DTX1: variants seen among roughly 807,000 people sequenced by gnomAD.
DTX1 encodes deltex E3 ubiquitin ligase 1.
Under a neutral mutation model 57.8 loss-of-function variants are expected in DTX1, and 26 were observed. The ratio of observed to expected loss-of-function variants is 0.45; its 90% CI spans 0.33 to 0.62. The LOEUF (loss-of-function observed/expected upper bound fraction) is 0.62, where lower values mean the gene tolerates loss of function less well. DTX1 is among the 20% of genes least tolerant of loss of function. DTX1 has a pLI of 0.02. For missense variants in DTX1, 704 were observed against 895.3 expected, an observed-to-expected ratio of 0.79 and a Z score of 2.73; for synonymous variants, 398 against 394.1, an observed-to-expected ratio of 1.01 and a Z score of -0.12.
intron 3 of DTX1, among the ~76,000 whole-genome samples, chr12:113,083,357 GCT>G (rs889765130): frequency 4.0e-5 from 6 of 151,710 alleles, no homozygotes; most frequent in Non-Finnish European, 7.4e-5. Context: ...AGACCGTCTT[GCT>G]CTGTTACCCA....
intron 2 of DTX1, among the ~76,000 whole-genome samples, chr12:113,073,622 C>T (rs2044751110): frequency 6.6e-6 from 1 of 152,218 alleles, no homozygotes; most frequent in Non-Finnish European, 1.5e-5. Flanking sequence ...GTTGGCAGGG[C>T]ACAAGGCTAG....
At position 113,058,155 on chromosome 12, in the gene DTX1, C is replaced by T. The variant is rs1019749085; in HGVS notation, c.-38C>T. 3.2e-6 allele frequency: 5 copies of T among 1,554,376 alleles called. No individual in the cohort carries two copies. The African/African-American group carries it at 4.1e-5, about 13-fold the overall frequency. ...CCAGGCCCAGGAGGAGCTGGGCCTG[C>T]AATAGTGGGGGACCTGGCCCCTGAG... On this transcript the variant is annotated 5_prime_UTR_variant, in exon 2 of 10. Transcript: ENST00000548759.
At position 113,094,114 on chromosome 12, in the gene DTX1, G is replaced by A. The variant is rs940132658; in HGVS notation, c.1227+15G>A. ...CACCTGATGAGGTGAGGAGGGGATG[G>A]GGGGGCTGGGGGAGGGCCCTGGCAT... On this transcript the variant is annotated intron_variant, in intron 6 of 9. Transcript: ENST00000548759. 3 of 1,488,560 alleles carry A rather than the reference G, an allele frequency of 2.0e-6. No individual in the cohort carries two copies. Among genetic ancestry groups the A allele is most frequent in the South Asian group, 1.2e-5 (1 of 83,190 alleles). The allele number at this position is 1,488,560 out of a possible 1,614,324, so 92.2% of individuals were successfully genotyped here. A position where few individuals can be genotyped will look rare whatever the true frequency, so the allele number is the denominator to read the frequency against.
chr12:113,069,143 CATTATTATTTT>C (rs2044723580), intron 2 of DTX1, among the ~76,000 whole-genome samples: 1 of 152,140 alleles, frequency 6.6e-6, no homozygotes, highest in Non-Finnish European at 1.5e-5. Context: ...TGTTTATTAT[CATTATTATTTT>C]ATTATTATTA....
chr12:113,085,867 T>A (rs566113002), intron 3 of DTX1, among the ~76,000 whole-genome samples: 2 of 152,116 alleles, frequency 1.3e-5, no homozygotes, highest in Non-Finnish European at 2.9e-5. Context: ...AAGTAGTAAC[T>A]GCTACAGAGG....
intron 2 of DTX1, among the ~76,000 whole-genome samples, chr12:113,060,644 G>A (rs1276308964): frequency 6.6e-6 from 1 of 152,234 alleles, no homozygotes; most frequent in East Asian, 1.9e-4. Context: ...GGCCTGGACA[G>A]CCACGCAAAG....
In DTX1 at chr12:113,080,495, G is replaced by C. The variant is rs111666052; in HGVS notation, c.941+2390G>C. On this transcript the variant is annotated intron_variant, in intron 3 of 9. Transcript: ENST00000548759. ...TAAGAATTTGAGAACCTTCTCTCTG[G>C]GTAAATTTATTGTAACCCACAAGAA... Among the ~76,000 whole-genome samples, 916 of 152,090 alleles carry C rather than the reference G, an allele frequency of 6.0e-3. 14 individuals carry two copies. The highest frequency in any genetic ancestry group is 0.033 in the South Asian group (157 of 4,808).
chr12:113,089,359 A>G (rs550427389), intron 3 of DTX1, among the ~76,000 whole-genome samples: 1 of 152,216 alleles, frequency 6.6e-6, no homozygotes, highest in Non-Finnish European at 1.5e-5. Flanking sequence ...CTGATTTGGG[A>G]CTGGGAAAGG....
Position 113,093,183 on chromosome 12 carries a change from G to A in DTX1, c.963G>A (p.Lys321=), listed in dbSNP as rs748833568. 2.2e-5 allele frequency: 35 copies of A among 1,600,848 alleles called. No homozygotes were observed. The highest frequency in any genetic ancestry group is 2.3e-5 in the East Asian group (1 of 44,222). Reference sequence around the variant, plus strand: ...GCAGGGTCCCCGCACTCCCGGTGAAGAACTTGAATGGTACTGGGCCGGTCC... The same window carrying A: ...GCAGGGTCCCCGCACTCCCGGTGAAAAACTTGAATGGTACTGGGCCGGTCC... The part of the protein sequence containing the change: ...IPPGVPALPV[K]NLNGTGPVHP... The change falls in exon 4 of 10, where the codon AAG becomes AAA. Residue 321 remains lysine (K), a synonymous_variant. Coordinates refer to ENST00000548759, the MANE Select transcript of DTX1 (RefSeq NM_004416.3). The surrounding 1 kb of genome is among the most constrained non-coding windows in gnomAD (Gnocchi z 4.2).
chr12:113,073,065 C>G (rs1320547511), intron 2 of DTX1, among the ~76,000 whole-genome samples: 1 of 152,072 alleles, frequency 6.6e-6, no homozygotes, highest in African/African-American at 2.4e-5. Context: ...CTATCCCGGC[C>G]CCTCCCCTGC....
At chr12:113,069,501 C>T (rs2044726009) in intron 2 of DTX1, among the ~76,000 whole-genome samples, 1 of 152,164 alleles carries the variant, frequency 6.6e-6, no homozygotes. Flanking sequence ...AGAACCTGGG[C>T]CAGCTTCAAC....
intron 2 of DTX1, among the ~76,000 whole-genome samples, chr12:113,074,747 G>T (rs1020614233): frequency 1.3e-5 from 2 of 152,216 alleles, no homozygotes; most frequent in African/African-American, 2.4e-5. Context: ...GCGGGGACTG[G>T]GTGGTGTGAG....
intron 2 of DTX1, among the ~76,000 whole-genome samples, chr12:113,066,184 G>A (rs534062921): frequency 1.3e-5 from 2 of 152,348 alleles, no homozygotes; most frequent in African/African-American, 2.4e-5. Context: ...GGGGAATGCT[G>A]TTGGTGAGGG....
chr12:113,069,292 G>A (rs886367480), intron 2 of DTX1, among the ~76,000 whole-genome samples: 4 of 152,084 alleles, frequency 2.6e-5, no homozygotes, highest in African/African-American at 9.7e-5. Context: ...CCTGCTGGGT[G>A]TGTGGGAAGC....
chr12:113,063,057 G>T (rs1347297405), intron 2 of DTX1, among the ~76,000 whole-genome samples: 1 of 152,208 alleles, frequency 6.6e-6, no homozygotes, highest in East Asian at 1.9e-4. Flanking sequence ...GGGATGGGTC[G>T]CTTGCTCGCT....
At chr12:113,082,217 C>T (rs1268185574) in intron 3 of DTX1, among the ~76,000 whole-genome samples, 1 of 152,140 alleles carries the variant, frequency 6.6e-6, no homozygotes, top group East Asian at 1.9e-4. Context: ...CTCATCCCTC[C>T]CCACCCACGC....
chr12:113,078,030 C>G lies in DTX1; in HGVS notation c.866C>G (p.Pro289Arg). The G allele has an allele frequency of 7.8e-7, 1 of 1,280,966 alleles. No homozygotes were observed. The highest frequency in any genetic ancestry group is 9.9e-7 in the Non-Finnish European group (1 of 1,010,982). The allele number at this position is 1,280,966 out of a possible 1,614,324, so 79.3% of individuals were successfully genotyped here. A position where few individuals can be genotyped will look rare whatever the true frequency, so the allele number is the denominator to read the frequency against. ...GGCGCCCCCGGCGGAGCGCGCACCC[C>G]GGGGCAGAACAACCTCAACCGGCCC... ...SPGAPGGART[P>R]GQNNLNRPGP... The change falls in exon 3 of 10, where the codon CCG becomes CGG. Residue 289 changes from proline to arginine, a missense_variant. Physicochemically the swap from Pro to Arg is moderately radical, Grantham distance 103 (BLOSUM62 -2). Around this residue, in one of 3 missense-constraint regions of DTX1, gnomAD observed 299 missense variants for 311.2 expected, o/e 0.96. Coordinates refer to ENST00000548759, the MANE Select transcript of DTX1 (RefSeq NM_004416.3).
intron 3 of DTX1, among the ~76,000 whole-genome samples, chr12:113,091,392 A>G (rs1674093): frequency 0.89 from 124,161 of 140,050 alleles, 54,616 homozygotes; most frequent in African/African-American, 0.93. Flanking sequence ...TGTGTGCGGT[A>G]TGTTCCCCAA....
chr12:113,091,367 G>A (rs987145371), intron 3 of DTX1, among the ~76,000 whole-genome samples: 1 of 152,114 alleles, frequency 6.6e-6, no homozygotes, highest in African/African-American at 2.4e-5. Flanking sequence ...TATGTTCATG[G>A]TGTGCATTCC....
Sources: gnomAD v4.1 joint callset for allele counts (sites outside exome capture counted in the v4.1 genomes callset) on GRCh38, gnomAD v4.1.1 for gene constraint, gnomAD v4.1.1 regional missense constraint, Gnocchi (gnomAD v3.1) non-coding constraint, MANE v1.5 for transcripts, NCBI Gene and HGNC (gene_info 2026-07-23, HGNC 2026-07-21) for gene names.